The following HSPA8 variants were observed in gnomAD, a reference collection of about 807,000 sequenced individuals.
HSPA8 encodes the protein heat shock cognate 71 kDa protein.
In HSPA8, 2 loss-of-function variants were observed where a neutral mutation model predicts 52.8. The observed-to-expected ratio is 0.04, with a 90% confidence interval of 0.02 to 0.12. HSPA8 has a LOEUF of 0.12. HSPA8 is among the 10% of genes least tolerant of loss of function. The pLI is 1.00. For missense variants in HSPA8, 349 were observed against 800.5 expected (o/e 0.44, Z 6.81); for synonymous variants, 436 against 274.0 (o/e 1.59, Z -5.84).
Position 123,060,099 on chromosome 11 carries a change from T to A in HSPA8, c.564+17A>T, listed in dbSNP as rs1248966656. The A allele has an allele frequency of 3.1e-6, 5 of 1,614,110 alleles. No homozygotes were observed. In the East Asian group the frequency reaches 6.7e-5, roughly 22 times the overall value. On this transcript the variant is annotated intron_variant, in intron 4 of 8. Coordinates refer to ENST00000534624, the MANE Select transcript of HSPA8 (RefSeq NM_006597.6). Reference sequence around the variant, plus strand: ...AATCTTAAAATAATCCGAACTTGCATCACAAATGGTACATACCTTTTTGTC... The same window carrying A: ...AATCTTAAAATAATCCGAACTTGCAACACAAATGGTACATACCTTTTTGTC...
At position 123,059,803 on chromosome 11, in the gene HSPA8, G is replaced by A. The variant is rs748585744; in HGVS notation, c.790C>T (p.Arg264Cys). 4 of 1,613,780 alleles carry A rather than the reference G, an allele frequency of 2.5e-6. No homozygotes were observed. The highest frequency in any genetic ancestry group is 1.1e-5 in the South Asian group (1 of 91,060). ...CGCTTAGCACGTTCACAAGCAGTAC[G>A]GAGGCGTCTTACAGCTCTCTTGTTC... ...SENKRAVRRL[R>C]TACERAKRTL... Residue 264 changes from arginine (R) to cysteine (C), a missense_variant, in exon 5 of 9, where the codon CGT (arginine) becomes TGT (cysteine). Arg to Cys is a radical substitution (Grantham distance 180, BLOSUM62 -3). Coordinates refer to ENST00000534624, the MANE Select transcript of HSPA8 (RefSeq NM_006597.6).
chr11:123,058,094 G>A, intron 8 of HSPA8, 158 bp downstream of exon 8: 1 of 710,618 alleles, frequency 1.4e-6, no homozygotes, highest in Non-Finnish European at 2.3e-6. Context: ...GACATCCAAG[G>A]AAGGTAGTTG....
At chr11:123,057,977 C>T (rs1350198671) in intron 8 of HSPA8, 58 bp from the exon 9 acceptor site, 1 of 1,341,410 alleles carries the variant, frequency 7.5e-7, no homozygotes, top group East Asian at 2.3e-5. Flanking sequence ...ACCCTTCTTT[C>T]TCCCTGACGC....
Position 123,059,835 on chromosome 11 carries a change from A to G in HSPA8, c.758T>C (p.Ile253Thr). 1 of 1,613,568 alleles carries G rather than the reference A, an allele frequency of 6.2e-7. No individual in the cohort carries two copies. Among genetic ancestry groups the G allele is most frequent in the Non-Finnish European group, 8.5e-7 (1 of 1,179,838 alleles). ...AEFKRKHKKD[I>T]SENKRAVRRL... ...TCTTACAGCTCTCTTGTTCTCACTG[A>G]TGTCCTTCTTATGCTTGCGCTTAAA... Residue 253 changes from isoleucine to threonine, a missense_variant, in exon 5 of 9, where the codon ATC becomes ACC. By Grantham distance (89) the Ile-to-Thr change is moderately conservative. Coordinates refer to ENST00000534624, the MANE Select transcript of HSPA8 (RefSeq NM_006597.6).
intron 1 of HSPA8, 36 bp from the exon 2 acceptor site, chr11:123,061,365 T>G: frequency 6.8e-7 from 1 of 1,480,878 alleles, no homozygotes; most frequent in Non-Finnish European, 9.4e-7. Context: ...AAAATTCAAT[T>G]AATCAAAATA....
chr11:123,061,692 G>A (rs1225600396), intron 1 of HSPA8: 2 of 298,400 alleles, frequency 6.7e-6, no homozygotes, highest in South Asian at 3.3e-5. Flanking sequence ...CTGGAAGCAC[G>A]CCAAGAACAG....
intron 5 of HSPA8, 68 bp downstream of exon 5, chr11:123,059,405 A>T (rs751521507): frequency 3.5e-6 from 5 of 1,436,666 alleles, no homozygotes; most frequent in Non-Finnish European, 3.9e-6. Flanking sequence ...AATGTTTAAC[A>T]ATCACTCATC....
chr11:123,060,450 G>T, intron 3 of HSPA8, 143 bp downstream of exon 3: 3 of 889,034 alleles, frequency 3.4e-6, no homozygotes, highest in Non-Finnish European at 5.4e-6. Context: ...TACCTAGAGA[G>T]CCTAGGGCAC....
At position 123,061,311 on chromosome 11, in the gene HSPA8, G is replaced by A. The variant is rs749485084; in HGVS notation, c.14C>T (p.Pro5Leu). The change falls in exon 2 of 9, where the codon CCT becomes CTT. Residue 5 changes from proline to leucine, a missense_variant. Transcript: ENST00000534624. ...GGTGCCAAGATCAATACCAACTGCA[G>A]GTCCCTTGGACATGGTTGCTGAAAA... is the stretch of plus-strand genomic sequence containing the variant. MSKG[P>L]AVGIDLGTTY... 1.2e-5 allele frequency: 19 copies of A among 1,613,540 alleles called. No homozygotes were observed. Among genetic ancestry groups the A allele is most frequent in the Admixed American group, 1.2e-4 (7 of 59,996 alleles).
At position 123,059,038 on chromosome 11, in the gene HSPA8, AAG is replaced by A. The variant is rs779769692; in HGVS notation, c.1323+19_1323+20del. On this transcript the variant is annotated intron_variant, in intron 6 of 8. Transcript: ENST00000534624. ...TTTATCTGTTATCAGTAAGCCAAAC[AAG>A]AGAAGTACAGAAACATACCTGAATA... 1.2e-6 allele frequency: 2 copies of A among 1,601,676 alleles called. No individual in the cohort carries two copies. The highest frequency in any genetic ancestry group is 3.3e-5 in the Admixed American group (2 of 59,980).
chr11:123,057,825 A>G lies in HSPA8; in HGVS notation c.1850T>C (p.Met617Thr). 1 of 1,613,766 alleles carries G rather than the reference A, an allele frequency of 6.2e-7. No individual in the cohort carries two copies. Among genetic ancestry groups the G allele is most frequent in the East Asian group, 2.2e-5 (1 of 44,878 alleles). The change falls in exon 9 of 9, where the codon ATG (methionine) becomes ACG (threonine). Residue 617 changes from methionine (M) to threonine (T), a missense_variant. By Grantham distance (81) the Met-to-Thr change is moderately conservative. Transcript: ENST00000534624. ...AAATCCCCCAGGCATTCCTCCTGGCATGCCTCCTGCACTCTGGTACAGCTT... is the reference window on the plus strand; with the variant it reads ...AAATCCCCCAGGCATTCCTCCTGGCGTGCCTCCTGCACTCTGGTACAGCTT... ...ITKLYQSAGG[M>T]PGGMPGGFPG... is the part of the protein sequence containing the mutation.
intron 8 of HSPA8, 95 bp from the exon 9 acceptor site, chr11:123,058,014 A>G: frequency 2.9e-6 from 3 of 1,038,676 alleles, no homozygotes; most frequent in Non-Finnish European, 4.2e-6. Flanking sequence ...TCTGGCGCAA[A>G]CTCTTACAAG....
At position 123,061,178 on chromosome 11, in the gene HSPA8, C is replaced by T. The variant is rs1865488053; in HGVS notation, c.147G>A (p.Arg49=). 12 of 1,613,868 alleles carry T rather than the reference C, an allele frequency of 7.4e-6. No homozygotes were observed. The highest frequency in any genetic ancestry group is 1.0e-5 in the Non-Finnish European group (12 of 1,179,828). Residue 49 remains arginine, a synonymous_variant, in exon 2 of 9, where the codon CGG becomes CGA. Transcript: ENST00000534624. ...PSYVAFTDTE[R]LIGDAAKNQV... ...GATTCTTTGCGGCATCACCGATCAACCGTTCAGTGTCCGTAAAGGCGACAT... is the reference window on the plus strand; with the variant it reads ...GATTCTTTGCGGCATCACCGATCAATCGTTCAGTGTCCGTAAAGGCGACAT...
rs768245568 is a variant in HSPA8 at position 123,058,489 on chromosome 11, G to A, written c.1523-5C>T. Reference sequence around the variant, plus strand: ...TGTCTTCCTTGCTCAAACGGCCTAGGAAAGAAATTAACTCTAAGTAAAAGC... The same window carrying A: ...TGTCTTCCTTGCTCAAACGGCCTAGAAAAGAAATTAACTCTAAGTAAAAGC... On this transcript the variant is annotated splice_region_variant and splice_polypyrimidine_tract_variant and intron_variant, in intron 7 of 8. Transcript: ENST00000534624. 1.9e-6 allele frequency: 3 copies of A among 1,612,852 alleles called. No homozygotes were observed. Among genetic ancestry groups the A allele is most frequent in the Admixed American group, 1.7e-5 (1 of 59,984 alleles).
intron 2 of HSPA8, 86 bp from the exon 3 acceptor site, chr11:123,060,884 G>A (rs180812613): frequency 8.3e-6 from 10 of 1,207,658 alleles, no homozygotes; most frequent in Admixed American, 3.7e-5. Flanking sequence ...ATACCTAACA[G>A]TTCATAGGTA....
intron 3 of HSPA8, 38 bp from the exon 4 acceptor site, chr11:123,060,306 A>C (rs1352852180): frequency 6.3e-7 from 1 of 1,584,642 alleles, no homozygotes; most frequent in Non-Finnish European, 8.6e-7. Flanking sequence ...GGTAACTATT[A>C]TACTTACATA....
At chr11:123,060,569 C>T (rs1302957079) in intron 3 of HSPA8, 24 bp downstream of exon 3, 2 of 1,562,392 alleles carry the variant, frequency 1.3e-6, no homozygotes, top group South Asian at 1.1e-5. Context: ...CGGAATGCAC[C>T]CCATACTGAA....
rs933956028 is a variant in HSPA8, at chr11:123,057,582, C to A, written c.*152G>T. On this transcript the variant is annotated 3_prime_UTR_variant, in exon 9 of 9. Coordinates refer to ENST00000534624, the MANE Select transcript of HSPA8 (RefSeq NM_006597.6). ...TAAAGTGCAATGTTATTTCCTTCCC[C>A]TGTGCATATGTTCCATATTCAAGTA... 2 of 574,982 alleles carry A rather than the reference C, an allele frequency of 3.5e-6. No homozygotes were observed. Among genetic ancestry groups the A allele is most frequent in the East Asian group, 6.1e-5 (2 of 32,920 alleles). The allele number at this position is 574,982 out of a possible 1,614,324, so 35.6% of individuals were successfully genotyped here. A position where few individuals can be genotyped will look rare whatever the true frequency, so the allele number is the denominator to read the frequency against.
chr11:123,059,182 G>A lies in HSPA8; in HGVS notation c.1200C>T (p.Ser400=), dbSNP rs144361240. 222 of 1,612,158 alleles carry A rather than the reference G, an allele frequency of 1.4e-4. No homozygotes were observed. In the African/African-American group the frequency reaches 2.6e-3, roughly 19 times the overall value. ...CTCCACCAGCAGTTTCAATACCAAG[G>A]GAAAGAGGAGTGACATCCAAGAGCA... ...DLLLLDVTPL[S]LGIETAGGVM... The change falls in exon 6 of 9, where the codon TCC becomes TCT. Residue 400 remains serine (S), a synonymous_variant. Coordinates refer to ENST00000534624, the MANE Select transcript of HSPA8 (RefSeq NM_006597.6).
Sources: gnomAD v4.1 joint callset for allele counts on GRCh38, gnomAD v4.1.1 for gene constraint, MANE v1.5 for transcripts, NCBI Gene and HGNC (gene_info 2026-07-23, HGNC 2026-07-21) for gene names.